CASS4: variants seen among roughly 807,000 people sequenced by gnomAD.
The protein encoded by CASS4 is cas scaffolding protein family member 4.
In CASS4, 22 loss-of-function variants were observed where a neutral mutation model predicts 54.2. The ratio of observed to expected loss-of-function variants is 0.41; its 90% confidence interval spans 0.29 to 0.58. CASS4 has a LOEUF of 0.58. CASS4 is among the 20% of genes least tolerant of loss of function. The probability of loss-of-function intolerance (pLI) is 0.36; values close to 1 mark genes in which losing one functional copy is unlikely to be tolerated. For missense variants in CASS4, 854 were observed against 986.7 expected (o/e 0.87, Z 1.80); for synonymous variants, 409 against 391.5 (o/e 1.04, Z -0.53).
At position 56,452,966 on chromosome 20, in the gene CASS4, CTG is replaced by C. The variant is rs773665975; in HGVS notation, c.1793_1794del (p.Val598AlafsTer9). On this transcript the variant is annotated frameshift_variant, in exon 5 of 6. Coordinates refer to ENST00000679887, the MANE Select transcript of CASS4 (RefSeq NM_020356.4). LOFTEE classifies it high-confidence loss of function. ...AAGCGGAACTGTGAAAAGGAAGAGACTGTGCAGTTGACCCCAAATGCAGAATT... is the reference window on the plus strand; with the variant it reads ...AAGCGGAACTGTGAAAAGGAAGAGACTGCAGTTGACCCCAAATGCAGAATT... 2.5e-6 allele frequency: 4 copies of C among 1,613,952 alleles called. No individual in the cohort carries two copies. The highest frequency in any genetic ancestry group is 3.4e-6 in the Non-Finnish European group (4 of 1,180,028).
At chr20:56,447,369 G>A (rs1231635361) in intron 3 of CASS4, among the ~76,000 whole-genome samples, 2 of 152,184 alleles carry the variant, frequency 1.3e-5, no homozygotes, top group Non-Finnish European at 2.9e-5. Flanking sequence ...GCTGGGCTGG[G>A]CTCCAGGGAC....
intron 2 of CASS4, among the ~76,000 whole-genome samples, chr20:56,442,987 C>A (rs1980528047): frequency 6.6e-6 from 1 of 151,518 alleles, no homozygotes; most frequent in East Asian, 1.9e-4. Context: ...AAAGGGGATC[C>A]CACAGTCAGC....
intron 1 of CASS4, among the ~76,000 whole-genome samples, chr20:56,432,244 A>C (rs1979939698): frequency 6.6e-6 from 1 of 152,206 alleles, no homozygotes; most frequent in African/African-American, 2.4e-5. Context: ...TTCAGATAAT[A>C]AACCTTTCAG....
Position 56,437,335 on chromosome 20 carries a change from A to G in CASS4, c.208A>G (p.Ile70Val), listed in dbSNP as rs2146281345. Reference sequence around the variant, plus strand: ...CCTGGCCCCTGCCAACCGCCTCCAAATCCTCACGGAGGTCGCTGCAGACAG... The same window carrying G: ...CCTGGCCCCTGCCAACCGCCTCCAAGTCCTCACGGAGGTCGCTGCAGACAG... ...QGLAPANRLQ[I>V]LTEVAADRPC... The change falls in exon 2 of 6, where the codon ATC (isoleucine) becomes GTC (valine). Residue 70 changes from isoleucine to valine, a missense_variant. Physicochemically the swap from Ile to Val is conservative, Grantham distance 29. Transcript: ENST00000679887. The surrounding 1 kb of genome is among the most constrained non-coding windows in gnomAD (Gnocchi z 4.7). 6.2e-7 allele frequency: 1 copy of G among 1,613,992 alleles called. No homozygotes were observed. The highest frequency in any genetic ancestry group is 8.5e-7 in the Non-Finnish European group (1 of 1,179,946).
In CASS4 at chr20:56,412,433, CA is replaced by C; in HGVS notation, c.-25del. ...AGCTGGAGATACTAGCTGCAGAGCT[CA>C]GGGGAGCTGCTCCACATCACCGACA... On this transcript the variant is annotated 5_prime_UTR_variant, in exon 1 of 6. Transcript: ENST00000679887. This position sits in a 1 kb window ranked among gnomAD's most constrained non-coding sequence, Gnocchi z 4.2. 6.2e-7 allele frequency: 1 copy of C among 1,611,376 alleles called. No homozygotes were observed. Among genetic ancestry groups the C allele is most frequent in the Non-Finnish European group, 8.5e-7 (1 of 1,178,768 alleles).
intron 2 of CASS4, among the ~76,000 whole-genome samples, chr20:56,444,948 T>C (rs928075927): frequency 6.6e-6 from 1 of 152,062 alleles, no homozygotes; most frequent in Non-Finnish European, 1.5e-5. Context: ...CTGTCTCTAC[T>C]GAAAACACAA....
chr20:56,421,543 A>T (rs1291427013), intron 1 of CASS4, among the ~76,000 whole-genome samples: 1 of 152,080 alleles, frequency 6.6e-6, no homozygotes, highest in Admixed American at 6.6e-5. Context: ...AAAAATTTTT[A>T]AAAGTAGCTG....
At chr20:56,443,977 A>C in intron 2 of CASS4, among the ~76,000 whole-genome samples, 2 of 152,152 alleles carry the variant, frequency 1.3e-5, no homozygotes, top group East Asian at 3.9e-4. Flanking sequence ...AGGGAGTAAG[A>C]AAGCAGTCGT....
chr20:56,446,019 GC>G lies in CASS4; in HGVS notation c.561+22del. On this transcript the variant is annotated intron_variant, in intron 3 of 5. Coordinates refer to ENST00000679887, the MANE Select transcript of CASS4 (RefSeq NM_020356.4). ...TCCTGAAGGTGAGCCTTGTTCAGGG[GC>G]CCCTCATCACCCAGACCTCTGCGCC... is the stretch of plus-strand genomic sequence containing the variant. The G allele has an allele frequency of 1.3e-6, 2 of 1,558,506 alleles. No individual in the cohort carries two copies. Among genetic ancestry groups the G allele is most frequent in the Non-Finnish European group, 8.8e-7 (1 of 1,131,428 alleles).
rs57238494 is a variant in CASS4, at chr20:56,424,957, G to A, written c.37-12207G>A. 0.027 allele frequency among the ~76,000 whole-genome samples: 4,139 copies of A among 152,206 alleles called. 410 individuals carry two copies. The East Asian group carries it at 0.35, about 13-fold the overall frequency. On this transcript the variant is annotated intron_variant, in intron 1 of 5. Coordinates refer to ENST00000679887, the MANE Select transcript of CASS4 (RefSeq NM_020356.4). ...TCACAGCACAACTTCAGGAGTTGTA[G>A]GAGGTTTTCCAGGAGGAAAGTAGGG...
intron 3 of CASS4, among the ~76,000 whole-genome samples, chr20:56,448,742 AAT>A (rs1298913983): frequency 6.6e-6 from 1 of 152,090 alleles, no homozygotes; most frequent in Non-Finnish European, 1.5e-5. Context: ...TTTGTATCCT[AAT>A]ATATATGTTT....
intron 5 of CASS4, among the ~76,000 whole-genome samples, chr20:56,454,727 T>A (rs1179047312): frequency 6.6e-6 from 1 of 152,202 alleles, no homozygotes; most frequent in Non-Finnish European, 1.5e-5. Context: ...AACAAAGACT[T>A]AGGAACCATG....
At chr20:56,429,754 A>C (rs896599264) in intron 1 of CASS4, among the ~76,000 whole-genome samples, 8 of 152,094 alleles carry the variant, frequency 5.3e-5, no homozygotes, top group African/African-American at 1.9e-4. Flanking sequence ...CCTTACCCCC[A>C]GATGGAAGCT....
chr20:56,456,128 C>T lies in CASS4; in HGVS notation c.1954-2212C>T, dbSNP rs6014734. 3.9e-3 allele frequency among the ~76,000 whole-genome samples: 595 copies of T among 151,934 alleles called. 5 individuals are homozygous for T. The highest frequency in any genetic ancestry group is 0.014 in the African/African-American group (560 of 41,384). ...CTGACAGCACTTCTCAGTGGAGGCC[C>T]GGGGCACCGTTGGCCACCGGGTGGA... On this transcript the variant is annotated intron_variant, in intron 5 of 5. Transcript: ENST00000679887.
intron 2 of CASS4, among the ~76,000 whole-genome samples, chr20:56,442,684 A>G (rs1315336968): frequency 1.3e-5 from 2 of 151,582 alleles, no homozygotes; most frequent in Non-Finnish European, 2.9e-5. Flanking sequence ...AACCCACCAC[A>G]TCAAGAGCAT....
chr20:56,413,214 T>A (rs1203343524), intron 1 of CASS4, among the ~76,000 whole-genome samples: 1 of 150,374 alleles, frequency 6.7e-6, no homozygotes, highest in Non-Finnish European at 1.5e-5. Flanking sequence ...GCTACCATAT[T>A]AAAAAAAAAT....
intron 1 of CASS4, among the ~76,000 whole-genome samples, chr20:56,424,740 C>CAA (rs759106984): frequency 0.012 from 843 of 71,022 alleles, 30 homozygotes; most frequent in African/African-American, 0.031. Flanking sequence ...GACTCTGTCT[C>CAA]AAAAAAAAAA....
At position 56,452,250 on chromosome 20, in the gene CASS4, T is replaced by A. The variant is rs1568681925; in HGVS notation, c.1074T>A (p.Ser358Arg). ...NIYDIPKATS[S>R]VSQAGKELEK... Reference sequence around the variant, plus strand: ...ATGACATCCCTAAAGCAACGTCGAGTGTTTCTCAGGCTGGGAAGGAGCTGG... The same window carrying A: ...ATGACATCCCTAAAGCAACGTCGAGAGTTTCTCAGGCTGGGAAGGAGCTGG... The change falls in exon 5 of 6, where the codon AGT (serine) becomes AGA (arginine). Residue 358 changes from serine to arginine, a missense_variant. Transcript: ENST00000679887. 2 of 1,613,914 alleles carry A rather than the reference T, an allele frequency of 1.2e-6. No homozygotes were observed. The highest frequency in any genetic ancestry group is 1.7e-6 in the Non-Finnish European group (2 of 1,179,992).
chr20:56,432,868 T>C (rs1600755869), intron 1 of CASS4, among the ~76,000 whole-genome samples: 1 of 148,952 alleles, frequency 6.7e-6, no homozygotes, highest in African/African-American at 2.6e-5. Flanking sequence ...GTGGTCATTC[T>C]TACCGAAGGT....
Sources: allele counts gnomAD v4.1 joint callset (sites outside exome capture counted in the v4.1 genomes callset), GRCh38; gene constraint gnomAD v4.1.1; non-coding constraint Gnocchi (gnomAD v3.1); transcripts MANE v1.5; gene names NCBI Gene and HGNC (gene_info 2026-07-23, HGNC 2026-07-21).